The following CIMIP4 variants were observed in gnomAD, a reference collection of about 807,000 sequenced individuals.
CIMIP4 encodes ciliary microtubule inner protein 4.
chr22:37,004,182 A>G, the CIMIP4 span, among the ~76,000 whole-genome samples: 2 of 152,046 alleles, frequency 1.3e-5, no homozygotes, highest in Non-Finnish European at 2.9e-5. Context: ...CACTGCCCAG[A>G]CCCACGGAGC....
chr22:37,001,818 C>T, the CIMIP4 span: 14 of 1,535,332 alleles, frequency 9.1e-6, no homozygotes, highest in East Asian at 3.3e-4. Flanking sequence ...CATCACCCTC[C>T]TGGCCCCTGC....
chr22:36,991,409 A>G, the CIMIP4 span: 1 of 1,572,966 alleles, frequency 6.4e-7, no homozygotes, highest in East Asian at 2.2e-5. Context: ...TTTCTCTCTG[A>G]CCCTTAGAGC....
the CIMIP4 span, among the ~76,000 whole-genome samples, chr22:37,000,627 T>A: frequency 1.3e-5 from 2 of 152,190 alleles, no homozygotes; most frequent in Non-Finnish European, 2.9e-5. Context: ...TGGAACTGGA[T>A]GGTCTTTGAA....
the CIMIP4 span, among the ~76,000 whole-genome samples, chr22:36,992,121 G>T: frequency 1.3e-5 from 2 of 151,956 alleles, no homozygotes; most frequent in Non-Finnish European, 2.9e-5. Flanking sequence ...GGCCAAGGCG[G>T]GTGGATCACG....
At chr22:36,998,227 A>G in the CIMIP4 span, among the ~76,000 whole-genome samples, 21 of 152,202 alleles carry the variant, frequency 1.4e-4, no homozygotes, top group Admixed American at 1.3e-3. Flanking sequence ...TAAAGAGAGA[A>G]CTGGAAGGCA....
the CIMIP4 span, chr22:37,002,394 G>T: frequency 8.8e-6 from 3 of 339,080 alleles, no homozygotes; most frequent in South Asian, 7.5e-5. Context: ...AGAGATGGGG[G>T]TGAGGAGGGG....
chr22:36,994,921 C>T, the CIMIP4 span, among the ~76,000 whole-genome samples: 8 of 152,216 alleles, frequency 5.3e-5, no homozygotes, highest in African/African-American at 1.7e-4. Context: ...TGAGCCACTG[C>T]GCCCGGCCTG....
the CIMIP4 span, among the ~76,000 whole-genome samples, chr22:37,004,693 C>CTT: frequency 2.6e-3 from 386 of 146,192 alleles, 2 homozygotes; most frequent in South Asian, 8.9e-3. Flanking sequence ...TGTGATCTTT[C>CTT]TTTTTTTTTT....
chr22:36,992,345 T>TCAAA, the CIMIP4 span, among the ~76,000 whole-genome samples: 419 of 151,728 alleles, frequency 2.8e-3, no homozygotes, highest in African/African-American at 8.9e-3. Context: ...AGACTCTGTC[T>TCAAA]CAAACAAACA....
chr22:36,991,202 T>G, the CIMIP4 span: 1 of 1,614,236 alleles, frequency 6.2e-7, no homozygotes, highest in East Asian at 2.2e-5. Flanking sequence ...CTCTTGGATT[T>G]GCTGTTTTCT....
the CIMIP4 span, chr22:36,991,242 G>C: frequency 2.1e-4 from 335 of 1,614,162 alleles, 1 homozygote; most frequent in Admixed American, 5.5e-3. Flanking sequence ...CTTTCTGCAA[G>C]TTCAGGTTCA....
At chr22:36,999,346 G>T in the CIMIP4 span, among the ~76,000 whole-genome samples, 506 of 148,974 alleles carry the variant, frequency 3.4e-3, 4 homozygotes, top group African/African-American at 0.01. Context: ...CAGGTATGGT[G>T]GCGCGCATCT....
the CIMIP4 span, among the ~76,000 whole-genome samples, chr22:37,001,557 G>A: frequency 3.5e-3 from 526 of 152,254 alleles, 4 homozygotes; most frequent in South Asian, 0.019. Flanking sequence ...GTCTCGCACA[G>A]TTAGGTGAAT....
At chr22:37,005,187 C>G in the CIMIP4 span, among the ~76,000 whole-genome samples, 1 of 152,124 alleles carries the variant, frequency 6.6e-6, no homozygotes, top group Non-Finnish European at 1.5e-5. Flanking sequence ...ATCCTGACAC[C>G]TGAATGAGCT....
chr22:36,991,614 C>T, the CIMIP4 span: 2 of 1,603,096 alleles, frequency 1.2e-6, no homozygotes, highest in African/African-American at 1.3e-5. Context: ...ATGAAGAAAC[C>T]CCAAGTGCCC....
At chr22:37,003,528 C>A in the CIMIP4 span, among the ~76,000 whole-genome samples, 63 of 152,344 alleles carry the variant, frequency 4.1e-4, no homozygotes, top group South Asian at 1.5e-3. Context: ...CCCTCCCAAG[C>A]CTTTGCCTGA....
chr22:37,006,966 C>T, the CIMIP4 span, among the ~76,000 whole-genome samples: 5 of 152,316 alleles, frequency 3.3e-5, no homozygotes, highest in Non-Finnish European at 7.4e-5. Flanking sequence ...ATGGAGAGGT[C>T]CACAGGGCAA....
At chr22:36,994,394 C>T in the CIMIP4 span, among the ~76,000 whole-genome samples, 1 of 152,066 alleles carries the variant, frequency 6.6e-6, no homozygotes, top group Non-Finnish European at 1.5e-5. Flanking sequence ...TCTCCGCTCA[C>T]TATAACCTCC....
At chr22:37,001,294 C>G in the CIMIP4 span, among the ~76,000 whole-genome samples, 1 of 151,748 alleles carries the variant, frequency 6.6e-6, no homozygotes, top group African/African-American at 2.4e-5. Flanking sequence ...GTGCAACTGC[C>G]TCGCTTTACA....
Sources: gnomAD v4.1 joint callset for allele counts (sites outside exome capture counted in the v4.1 genomes callset) on GRCh38, gnomAD v4.1.1 for gene constraint, MANE v1.5 for transcripts, NCBI Gene and HGNC (gene_info 2026-07-23, HGNC 2026-07-21) for gene names.